Variants in ZBTB20 observed in about 807,000 individuals in gnomAD.
ZBTB20 encodes zinc finger and BTB domain containing 20, also known as zinc finger and BTB domain-containing protein 20.
ZBTB20 carries 9 observed loss-of-function variants against 56.9 expected under a neutral mutation model. The observed-to-expected ratio is 0.16, with a 90% confidence interval of 0.10 to 0.28. The LOEUF is 0.28. ZBTB20 is among the 10% of genes least tolerant of loss of function. ZBTB20 has a pLI of 1.00. For missense variants in ZBTB20, 655 were observed against 1,003.0 expected (o/e 0.65, Z 4.69); for synonymous variants, 417 against 420.7 (o/e 0.99, Z 0.11).
intron 6 of ZBTB20, among the ~76,000 whole-genome samples, chr3:114,602,330 G>A (rs942997334): frequency 1.3e-5 from 2 of 152,040 alleles, no homozygotes; most frequent in Non-Finnish European, 2.9e-5. Flanking sequence ...GTTCATAAGT[G>A]ATTGGTTACT....
intron 7 of ZBTB20, among the ~76,000 whole-genome samples, chr3:114,491,337 G>T (rs773459219): frequency 2.6e-5 from 4 of 152,154 alleles, no homozygotes; most frequent in Non-Finnish European, 4.4e-5. Flanking sequence ...CTTCCACACT[G>T]CCAAGGAGAG....
intron 4 of ZBTB20, among the ~76,000 whole-genome samples, chr3:114,870,438 CT>C (rs2075955208): frequency 6.7e-6 from 1 of 150,156 alleles, no homozygotes; most frequent in Non-Finnish European, 1.5e-5. Context: ...ACCATTCTCC[CT>C]CCAATCCCAT....
intron 7 of ZBTB20, among the ~76,000 whole-genome samples, chr3:114,402,133 A>G (rs1167832104): frequency 6.6e-6 from 1 of 152,226 alleles, no homozygotes; most frequent in Non-Finnish European, 1.5e-5. Context: ...GTTCAGTAAC[A>G]TGAAACAGTG....
At chr3:115,043,022 T>G (rs749853653) in intron 2 of ZBTB20, among the ~76,000 whole-genome samples, 8 of 152,184 alleles carry the variant, frequency 5.3e-5, no homozygotes, top group Admixed American at 1.3e-4. Context: ...AGTAAAAATT[T>G]TCATTAACTT....
intron 6 of ZBTB20, among the ~76,000 whole-genome samples, chr3:114,662,847 G>T (rs1183371892): frequency 6.6e-6 from 1 of 152,050 alleles, no homozygotes; most frequent in Non-Finnish European, 1.5e-5. Context: ...GTTGTAGGTT[G>T]CCTGTTCACT....
rs80355617 is a variant in ZBTB20, at chr3:114,469,080, G to C, written c.-255+31272C>G. Reference sequence around the variant, plus strand: ...GAAATCTCTTTAACCTTAAAGGTTGGCTCAAATTATTTTAAATATTCTGTG... The same window carrying C: ...GAAATCTCTTTAACCTTAAAGGTTGCCTCAAATTATTTTAAATATTCTGTG... On this transcript the variant is annotated intron_variant, in intron 7 of 11. Coordinates refer to ENST00000675478, the MANE Select transcript of ZBTB20 (RefSeq NM_001348800.3). Among the ~76,000 whole-genome samples, 953 of 150,426 alleles carry C rather than the reference G, an allele frequency of 6.3e-3. 8 individuals carry two copies. Among genetic ancestry groups the C allele is most frequent in the Non-Finnish European group, 0.01 (689 of 67,756 alleles).
At chr3:114,706,239 T>C (rs981505824) in intron 5 of ZBTB20, among the ~76,000 whole-genome samples, 12 of 152,100 alleles carry the variant, frequency 7.9e-5, no homozygotes, top group African/African-American at 2.9e-4. Context: ...TGCAGGAACG[T>C]TGTGAAGATT....
chr3:114,899,553 CAG>C (rs2075025799), intron 4 of ZBTB20, among the ~76,000 whole-genome samples: 1 of 151,950 alleles, frequency 6.6e-6, no homozygotes, highest in African/African-American at 2.4e-5. Flanking sequence ...AGTCATAAAA[CAG>C]AGGATTTAAA....
Position 114,338,859 on chromosome 3 carries a change from A to T in ZBTB20, c.*146T>A. On this transcript the variant is annotated 3_prime_UTR_variant, in exon 12 of 12. Transcript: ENST00000675478. Reference sequence around the variant, plus strand: ...GCAGGCAAAAAACAGTTCTTCATGTAGTACAAAATGAAACGAAACAAAAAC... The same window carrying T: ...GCAGGCAAAAAACAGTTCTTCATGTTGTACAAAATGAAACGAAACAAAAAC... 1 of 895,290 alleles carries T rather than the reference A, an allele frequency of 1.1e-6. No homozygotes were observed. 55.5% of individuals were successfully genotyped at this position (895,290 alleles called of 1,614,324 possible). A position where few individuals can be genotyped will look rare whatever the true frequency, so the allele number is the denominator to read the frequency against.
At position 114,636,947 on chromosome 3, in the gene ZBTB20, T is replaced by G. The variant is rs140253397; in HGVS notation, c.-295+56581A>C. ...ACAACAAAAAACAACAACAACACAC[T>G]TTAGCTTTAGGGACAAACATAGACT... On this transcript the variant is annotated intron_variant, in intron 6 of 11. Coordinates refer to ENST00000675478, the MANE Select transcript of ZBTB20 (RefSeq NM_001348800.3). Among the ~76,000 whole-genome samples the G allele has an allele frequency of 2.9e-3, 418 of 142,046 alleles. 1 individual carries two copies. Among genetic ancestry groups the G allele is most frequent in the African/African-American group, 0.01 (396 of 38,526 alleles). The allele number at this position is 142,046 out of a possible 152,430, so 93.2% of individuals were successfully genotyped here.
chr3:114,470,304 A>G (rs2039982236), intron 7 of ZBTB20, among the ~76,000 whole-genome samples: 1 of 152,208 alleles, frequency 6.6e-6, no homozygotes. Flanking sequence ...TTGAAAAAGT[A>G]CTTAATTTAT....
At chr3:114,696,697 T>C (rs532468376) in intron 5 of ZBTB20, among the ~76,000 whole-genome samples, 6 of 151,850 alleles carry the variant, frequency 4.0e-5, no homozygotes, top group East Asian at 1.9e-4. Context: ...GACTTATAAA[T>C]TGCATACAAA....
Position 114,331,363 on chromosome 3 carries a change from T to C in ZBTB20, c.*7642A>G, listed in dbSNP as rs962127126. Reference sequence around the variant, plus strand: ...AAACAGCCTGTCCCTGTGGGTTTGCTGTGGATTCAACAAGCTGCATTTGTT... The same window carrying C: ...AAACAGCCTGTCCCTGTGGGTTTGCCGTGGATTCAACAAGCTGCATTTGTT... On this transcript the variant is annotated 3_prime_UTR_variant, in exon 12 of 12. Coordinates refer to ENST00000675478, the MANE Select transcript of ZBTB20 (RefSeq NM_001348800.3). 6.6e-6 allele frequency: 1 copy of C among 152,270 alleles called. No individual in the cohort carries two copies. The highest frequency in any genetic ancestry group is 6.5e-5 in the Admixed American group (1 of 15,286). The allele number at this position is 152,270 out of a possible 1,614,324, so 9.4% of individuals were successfully genotyped here. A position where few individuals can be genotyped will look rare whatever the true frequency, so the allele number is the denominator to read the frequency against.
intron 5 of ZBTB20, among the ~76,000 whole-genome samples, chr3:114,704,651 A>C (rs931638401): frequency 2.6e-5 from 4 of 152,202 alleles, no homozygotes; most frequent in African/African-American, 4.8e-5. Context: ...TACTCTGAGA[A>C]GCAGAAAAAT....
At chr3:114,508,638 A>G (rs1015917589) in intron 6 of ZBTB20, among the ~76,000 whole-genome samples, 5 of 152,288 alleles carry the variant, frequency 3.3e-5, no homozygotes, top group Middle Eastern at 3.4e-3. Flanking sequence ...TGTTATTCGA[A>G]TCTTGTTAAC....
At chr3:114,901,926 A>T (rs1295722129) in intron 3 of ZBTB20, among the ~76,000 whole-genome samples, 1 of 152,158 alleles carries the variant, frequency 6.6e-6, no homozygotes, top group Non-Finnish European at 1.5e-5. Context: ...ATAGTTAATT[A>T]TCTACAATAA....
intron 3 of ZBTB20, among the ~76,000 whole-genome samples, chr3:114,955,844 C>A (rs537793791): frequency 6.6e-6 from 1 of 152,072 alleles, no homozygotes; most frequent in South Asian, 2.1e-4. Flanking sequence ...AAGAAATGGC[C>A]ACTTTTCATA....
At chr3:114,814,928 T>C (rs1196310300) in intron 4 of ZBTB20, among the ~76,000 whole-genome samples, 7 of 152,164 alleles carry the variant, frequency 4.6e-5, no homozygotes, top group African/African-American at 1.7e-4. Context: ...CTAAGTTGTA[T>C]TGAAACTCCA....
intron 4 of ZBTB20, among the ~76,000 whole-genome samples, chr3:114,839,613 C>T (rs890356907): frequency 1.3e-5 from 2 of 152,178 alleles, no homozygotes; most frequent in Non-Finnish European, 2.9e-5. Context: ...CGCCCACATT[C>T]TAACCCCTGA....
Sources: allele counts gnomAD v4.1 joint callset (sites outside exome capture counted in the v4.1 genomes callset), GRCh38; gene constraint gnomAD v4.1.1; transcripts MANE v1.5; gene names NCBI Gene and HGNC (gene_info 2026-07-23, HGNC 2026-07-21).